Variants in TRERF1 observed in about 807,000 individuals in gnomAD.
TRERF1 encodes transcriptional regulating factor 1, also known as transcriptional-regulating factor 1.
TRERF1 carries 27 observed loss-of-function variants against 122.9 expected under a neutral mutation model. The observed-to-expected ratio is 0.22, with a 90% CI of 0.16 to 0.30. The LOEUF (loss-of-function observed/expected upper bound fraction) is 0.30. Ranked by LOEUF, TRERF1 falls within the 10% of genes least tolerant of loss-of-function variation. The pLI is 1.00. For missense variants in TRERF1, 1,248 were observed against 1,560.3 expected (o/e 0.80, Z 3.37); for synonymous variants, 636 against 641.7 (o/e 0.99, Z 0.13).
At chr6:42,299,271 C>T (rs995557456) in intron 4 of TRERF1, among the ~76,000 whole-genome samples, 7 of 151,042 alleles carry the variant, frequency 4.6e-5, no homozygotes, top group Non-Finnish European at 8.8e-5. Flanking sequence ...CTGGGTAACC[C>T]CAGAAATAAC....
At chr6:42,264,841 C>T in exon 7 of TRERF1, 1 of 1,614,182 alleles carries the variant, frequency 6.2e-7, no homozygotes, top group Non-Finnish European at 8.5e-7. Context: ...CCAAACGCTC[C>T]TTTGGGTTGG....
chr6:42,339,393 G>A (rs1185876083), intron 3 of TRERF1, among the ~76,000 whole-genome samples: 2 of 151,172 alleles, frequency 1.3e-5, no homozygotes, highest in African/African-American at 2.4e-5. Flanking sequence ...CATCTCCTCC[G>A]TCCCCAACTC....
chr6:42,282,036 G>A (rs1338173305), intron 4 of TRERF1, among the ~76,000 whole-genome samples: 2 of 152,172 alleles, frequency 1.3e-5, no homozygotes, highest in South Asian at 2.1e-4. Context: ...TGCTTTTTAT[G>A]TGTCAGTTTG....
intron 2 of TRERF1, among the ~76,000 whole-genome samples, chr6:42,403,868 C>T (rs1208445985): frequency 6.6e-6 from 1 of 152,170 alleles, no homozygotes; most frequent in African/African-American, 2.4e-5. Context: ...ACTGTCCATG[C>T]TTTCCCTGCC....
At chr6:42,322,109 G>A (rs964751370) in intron 3 of TRERF1, among the ~76,000 whole-genome samples, 1 of 152,122 alleles carries the variant, frequency 6.6e-6, no homozygotes, top group African/African-American at 2.4e-5. Context: ...CGGGACTCAG[G>A]AAGTACTGTT....
chr6:42,263,370 C>T lies in TRERF1; in HGVS notation c.1834G>A (p.Ala612Thr), dbSNP rs569768474. 1.2e-5 allele frequency: 20 copies of T among 1,612,580 alleles called. No individual in the cohort carries two copies. Among genetic ancestry groups the T allele is most frequent in the Admixed American group, 3.3e-5 (2 of 59,734 alleles). The change falls in exon 8 of 18, where the codon GCC (alanine) becomes ACC (threonine). Residue 612 changes from alanine (A) to threonine (T), a missense_variant. By Grantham distance (58) the Ala-to-Thr change is moderately conservative. Coordinates refer to ENST00000372922, the Ensembl canonical transcript of TRERF1. The surrounding 1 kb of genome is among the most constrained non-coding windows in gnomAD (Gnocchi z 5.6). ...ATCGAGCTGGCTGGCTTGTCTCTGGCGGAGGGGGCGGCAACGGTGCTGTTG... is the reference window on the plus strand; with the variant it reads ...ATCGAGCTGGCTGGCTTGTCTCTGGTGGAGGGGGCGGCAACGGTGCTGTTG...
intron 4 of TRERF1, among the ~76,000 whole-genome samples, chr6:42,291,069 C>T (rs1039852617): frequency 1.3e-5 from 2 of 152,128 alleles, no homozygotes; most frequent in African/African-American, 4.8e-5. Context: ...AAAGAATGGA[C>T]ATATACTATT....
chr6:42,260,360 G>A (rs1777615014), intron 8 of TRERF1, among the ~76,000 whole-genome samples: 1 of 152,022 alleles, frequency 6.6e-6, no homozygotes, highest in Non-Finnish European at 1.5e-5. Flanking sequence ...CCCAGAACTC[G>A]TAGCTTATTT....
At chr6:42,347,602 G>A (rs1162028529) in intron 3 of TRERF1, among the ~76,000 whole-genome samples, 4 of 152,072 alleles carry the variant, frequency 2.6e-5, no homozygotes, top group East Asian at 1.9e-4. Flanking sequence ...GACAGCAACC[G>A]CCCCAGCCAC....
chr6:42,321,936 A>C (rs1249391299), intron 3 of TRERF1, among the ~76,000 whole-genome samples: 1 of 152,260 alleles, frequency 6.6e-6, no homozygotes, highest in Non-Finnish European at 1.5e-5. Context: ...TTCAGCCTTT[A>C]AGATCAACCT....
At chr6:42,294,096 T>G (rs1362261272) in intron 4 of TRERF1, among the ~76,000 whole-genome samples, 1 of 152,038 alleles carries the variant, frequency 6.6e-6, no homozygotes, top group East Asian at 1.9e-4. Context: ...CAGTCTCAGT[T>G]CTGCCATCTT....
Position 42,259,798 on chromosome 6 carries a change from G to A in TRERF1, c.1885-75C>T. 2 of 1,584,200 alleles carry A rather than the reference G, an allele frequency of 1.3e-6. No individual in the cohort carries two copies. The highest frequency in any genetic ancestry group is 2.3e-5 in the South Asian group (2 of 88,808). On this transcript the variant is annotated intron_variant, in intron 8 of 17. Transcript: ENST00000372922. This position sits in a 1 kb window ranked among gnomAD's most constrained non-coding sequence, Gnocchi z 4.9. ...GCCATTTCCACAGGTTCAGGGAAGG[G>A]GGCCTTCTACTGTCTAAGCAGAGAG...
chr6:42,330,185 C>T (rs1242875321), intron 3 of TRERF1, among the ~76,000 whole-genome samples: 1 of 152,058 alleles, frequency 6.6e-6, no homozygotes, highest in Non-Finnish European at 1.5e-5. Flanking sequence ...AGAAGAAACA[C>T]AAATGGCATG....
At position 42,232,539 on chromosome 6, in the gene TRERF1, A is replaced by C; in HGVS notation, c.3278+142T>G. On this transcript the variant is annotated intron_variant, in intron 17 of 17. Coordinates refer to ENST00000372922, the Ensembl canonical transcript of TRERF1. This position sits in a 1 kb window ranked among gnomAD's most constrained non-coding sequence, Gnocchi z 4.5. Reference sequence around the variant, plus strand: ...GAGTCTGCAACAGGACTACATACCCATCCCAAAGATGACACGAAGAAGAGT... The same window carrying C: ...GAGTCTGCAACAGGACTACATACCCCTCCCAAAGATGACACGAAGAAGAGT... 1 of 1,090,784 alleles carries C rather than the reference A, an allele frequency of 9.2e-7. No homozygotes were observed. Among genetic ancestry groups the C allele is most frequent in the Non-Finnish European group, 1.3e-6 (1 of 783,208 alleles). 67.6% of individuals were successfully genotyped at this position (1,090,784 alleles called of 1,614,324 possible).
intron 4 of TRERF1, among the ~76,000 whole-genome samples, chr6:42,290,519 CCTT>C (rs1473314031): frequency 6.6e-6 from 1 of 152,092 alleles, no homozygotes; most frequent in Non-Finnish European, 1.5e-5. Context: ...ACACAAATCT[CCTT>C]CTGATCAACC....
chr6:42,271,602 C>G lies in TRERF1; in HGVS notation c.-258-1754G>C, dbSNP rs910967840. On this transcript the variant is annotated intron_variant, in intron 4 of 17. Transcript: ENST00000372922. Reference sequence around the variant, plus strand: ...AGTTTATTTTAAAAAGTCACCCCCCCCAAAAAAAGTTACCCAGTACCACCA... The same window carrying G: ...AGTTTATTTTAAAAAGTCACCCCCCGCAAAAAAAGTTACCCAGTACCACCA... Among the ~76,000 whole-genome samples, 15 of 151,938 alleles carry G rather than the reference C, an allele frequency of 9.9e-5. 1 individual carries two copies. Among genetic ancestry groups the G allele is most frequent in the Admixed American group, 9.2e-4 (14 of 15,262 alleles).
At chr6:42,236,464 A>G in intron 15 of TRERF1, 53 bp from the exon 16 acceptor site, 1 of 1,532,738 alleles carries the variant, frequency 6.5e-7, no homozygotes, top group Non-Finnish European at 8.8e-7. Flanking sequence ...TGGCATTCTT[A>G]GTGATGAACA....
intron 2 of TRERF1, among the ~76,000 whole-genome samples, chr6:42,374,146 A>AG (rs1232172436): frequency 3.4e-5 from 5 of 146,200 alleles, no homozygotes; most frequent in African/African-American, 1.3e-4. Context: ...TTAAAAAAAA[A>AG]AAAAAAGAAG....
chr6:42,252,788 G>A (rs1040443298), intron 13 of TRERF1, among the ~76,000 whole-genome samples: 1 of 152,226 alleles, frequency 6.6e-6, no homozygotes, highest in Non-Finnish European at 1.5e-5. Context: ...TCAGAGACCA[G>A]TGACCTCTGC....
Sources: gnomAD v4.1 joint callset for allele counts (sites outside exome capture counted in the v4.1 genomes callset) on GRCh38, gnomAD v4.1.1 for gene constraint, Gnocchi (gnomAD v3.1) non-coding constraint, MANE v1.5 for transcripts, NCBI Gene and HGNC (gene_info 2026-07-23, HGNC 2026-07-21) for gene names.